CACNA1S: variants seen among roughly 807,000 people sequenced by gnomAD.
CACNA1S encodes the protein voltage-dependent L-type calcium channel subunit alpha-1S.
CACNA1S carries 126 observed loss-of-function variants against 207.4 expected under a neutral mutation model. The ratio of observed to expected loss-of-function variants is 0.61; its 90% confidence interval spans 0.53 to 0.70. The LOEUF is 0.70. CACNA1S is among the 30% of genes least tolerant of loss of function. The probability of loss-of-function intolerance (pLI) is 0.00; values close to 1 mark genes in which losing one functional copy is unlikely to be tolerated. For missense variants in CACNA1S, 2,349 were observed against 2,422.8 expected, an observed-to-expected ratio of 0.97 and a Z score of 0.64; for synonymous variants, 960 against 932.7, an observed-to-expected ratio of 1.03 and a Z score of -0.53.
intron 9 of CACNA1S, among the ~76,000 whole-genome samples, chr1:201,084,218 C>T (rs994454655): frequency 6.6e-6 from 1 of 152,314 alleles, no homozygotes; most frequent in South Asian, 2.1e-4. Context: ...GTGCTAGGCA[C>T]TCTTCTAGTC....
At chr1:201,089,551 A>C in intron 5 of CACNA1S, 88 bp from the exon 6 acceptor site, 3 of 1,288,936 alleles carry the variant, frequency 2.3e-6, no homozygotes, top group Non-Finnish European at 2.2e-6. Flanking sequence ...ATTTAAGAGA[A>C]TTGAGCAGTA....
chr1:201,082,646 G>A (rs1661877545), intron 10 of CACNA1S, among the ~76,000 whole-genome samples: 1 of 152,142 alleles, frequency 6.6e-6, no homozygotes, highest in South Asian at 2.1e-4. Context: ...TATTTATTAA[G>A]ATCAGTCTTC....
Position 201,053,498 on chromosome 1 carries a change from T to G in CACNA1S, c.3756A>C (p.Gly1252=). The G allele has an allele frequency of 6.2e-7, 1 of 1,614,112 alleles. No individual in the cohort carries two copies. The highest frequency in any genetic ancestry group is 8.5e-7 in the Non-Finnish European group (1 of 1,180,002). The change falls in exon 30 of 44, where the codon GGA becomes GGC. Residue 1252 remains glycine, a synonymous_variant. Coordinates refer to ENST00000362061, the MANE Select transcript of CACNA1S (RefSeq NM_000069.3). This position sits in a 1 kb window ranked among gnomAD's most constrained non-coding sequence, Gnocchi z 5.1. ...TGAACGTCCACAGGAGGGTTCGCAC[T>G]CCTTCTGCCCGGCTCAGCAGCTTGA... The part of the protein sequence containing the change: ...RLIKLLSRAE[G]VRTLLWTFIK...
rs4915476 is a variant in CACNA1S, at chr1:201,077,934, G to A, written c.1564C>T (p.Leu522=). The change falls in exon 11 of 44, where the codon CTG becomes TTG. Residue 522 remains leucine (L), a synonymous_variant. Transcript: ENST00000362061. The part of the protein sequence containing the change: ...LLVESGAMTP[L]GISVLRCIRL... ...ATGCAGCGGAGCACGGAGATGCCCA[G>A]GGGTGTCATGGCACCCGACTCCACC... 0.22 allele frequency: 347,357 copies of A among 1,613,632 alleles called. 39,238 individuals are homozygous for A. The highest frequency in any genetic ancestry group is 0.26 in the Admixed American group (15,861 of 60,016).
intron 15 of CACNA1S, among the ~76,000 whole-genome samples, chr1:201,073,127 G>C (rs181612950): frequency 6.6e-6 from 1 of 152,172 alleles, no homozygotes; most frequent in African/African-American, 2.4e-5. Context: ...CCAGGACCTC[G>C]AGCCTCTCTG....
chr1:201,075,618 G>A lies in CACNA1S; in HGVS notation c.1828-3C>T, dbSNP rs1445072481. On this transcript the variant is annotated splice_polypyrimidine_tract_variant and splice_region_variant and intron_variant, in intron 12 of 43. Coordinates refer to ENST00000362061, the MANE Select transcript of CACNA1S (RefSeq NM_000069.3). The stretch of plus-strand genomic sequence containing the variant: ...GTCCAGTCTTCCCCTGTCAGTACCT[G>A]TATGGAGGGAGGATAGAGGGCTCGG... The A allele has an allele frequency of 6.2e-7, 1 of 1,613,944 alleles. No homozygotes were observed. Among genetic ancestry groups the A allele is most frequent in the African/African-American group, 1.3e-5 (1 of 74,934 alleles).
chr1:201,052,437 C>A, intron 32 of CACNA1S, 120 bp downstream of exon 32: 1 of 768,698 alleles, frequency 1.3e-6, no homozygotes, highest in Admixed American at 1.8e-5. Flanking sequence ...AGTATAGGAC[C>A]CTGTGTGGCT....
At chr1:201,069,679 A>G (rs1449947215) in intron 17 of CACNA1S, 78 bp from the exon 18 acceptor site, 4 of 1,512,388 alleles carry the variant, frequency 2.6e-6, no homozygotes, top group Non-Finnish European at 3.6e-6. Flanking sequence ...CATCCTGCGG[A>G]CGAACATGGA....
At chr1:201,084,025 A>G (rs990946619) in intron 9 of CACNA1S, among the ~76,000 whole-genome samples, 1 of 152,228 alleles carries the variant, frequency 6.6e-6, no homozygotes, top group South Asian at 2.1e-4. Context: ...ATTATGGCAT[A>G]TTCATCCTGT....
At chr1:201,077,236 AGGGG>A in intron 11 of CACNA1S, 109 bp from the exon 12 acceptor site, 1 of 935,276 alleles carries the variant, frequency 1.1e-6, no homozygotes, top group Non-Finnish European at 1.7e-6. Flanking sequence ...ACACAGAGGG[AGGGG>A]GCTGCCTCAC....
At chr1:201,046,085 A>C (rs940490714) in intron 38 of CACNA1S, among the ~76,000 whole-genome samples, 1 of 152,192 alleles carries the variant, frequency 6.6e-6, no homozygotes, top group Non-Finnish European at 1.5e-5. Context: ...TGAACCCAAA[A>C]ATAGAAATAA....
intron 38 of CACNA1S, among the ~76,000 whole-genome samples, chr1:201,046,300 A>C (rs1387150471): frequency 6.6e-6 from 1 of 151,650 alleles, no homozygotes; most frequent in Non-Finnish European, 1.5e-5. Flanking sequence ...TCCCGCCTCA[A>C]CCTCCCAAAT....
intron 10 of CACNA1S, among the ~76,000 whole-genome samples, chr1:201,081,655 C>A (rs938785765): frequency 2.6e-5 from 4 of 152,226 alleles, no homozygotes; most frequent in African/African-American, 9.6e-5. Flanking sequence ...GATAGACAGC[C>A]CTGCCCAAAT....
rs1447431294 is a variant in CACNA1S, at chr1:201,066,860, C to T, written c.2657+27G>A. 1 of 1,559,742 alleles carries T rather than the reference C, an allele frequency of 6.4e-7. No individual in the cohort carries two copies. Among genetic ancestry groups the T allele is most frequent in the Non-Finnish European group, 8.8e-7 (1 of 1,130,978 alleles). Reference sequence around the variant, plus strand: ...GCACAGAGCAGAGGGTGGTCTGTGCCCAGGGCTGGCCCTTGCCGCTGCTCA... The same window carrying T: ...GCACAGAGCAGAGGGTGGTCTGTGCTCAGGGCTGGCCCTTGCCGCTGCTCA... On this transcript the variant is annotated intron_variant, in intron 20 of 43. Transcript: ENST00000362061. The surrounding 1 kb of genome is among the most constrained non-coding windows in gnomAD (Gnocchi z 4.3).
chr1:201,073,399 C>G (rs1008024443), intron 15 of CACNA1S, 150 bp downstream of exon 15: 11 of 762,066 alleles, frequency 1.4e-5, no homozygotes, highest in Non-Finnish European at 2.4e-5. Context: ...CGCTGGCTCT[C>G]CCTCCAGTCG....
At chr1:201,041,087 C>T (rs975714304) in intron 41 of CACNA1S, among the ~76,000 whole-genome samples, 2 of 152,204 alleles carry the variant, frequency 1.3e-5, no homozygotes, top group Non-Finnish European at 2.9e-5. Flanking sequence ...CCTACTGTCA[C>T]ACAGCAGTCT....
chr1:201,106,664 C>T (rs1662903111), intron 2 of CACNA1S, among the ~76,000 whole-genome samples: 1 of 152,126 alleles, frequency 6.6e-6, no homozygotes, highest in Non-Finnish European at 1.5e-5. Flanking sequence ...AGGGCAAGTG[C>T]AGATTGCCAC....
intron 2 of CACNA1S, among the ~76,000 whole-genome samples, chr1:201,105,721 C>A (rs937575624): frequency 6.6e-6 from 1 of 152,180 alleles, no homozygotes; most frequent in African/African-American, 2.4e-5. Context: ...TTCCCACAGA[C>A]ACAGAGCAGG....
Position 201,077,895 on chromosome 1 carries a change from T to A in CACNA1S, c.1603A>T (p.Ile535Phe). The A allele has an allele frequency of 6.2e-7, 1 of 1,613,814 alleles. No individual in the cohort carries two copies. The highest frequency in any genetic ancestry group is 8.5e-7 in the Non-Finnish European group (1 of 1,179,756). The change falls in exon 11 of 44, where the codon ATC becomes TTC. Residue 535 changes from isoleucine (I) to phenylalanine (F), a missense_variant. Coordinates refer to ENST00000362061, the MANE Select transcript of CACNA1S (RefSeq NM_000069.3). ...SVLRCIRLLR[I>F]FKITKYWTSL... ...GGCACTCACTTGGTGATCTTGAAGA[T>A]CCTCAGGAGGCGGATGCAGCGGAGC...
Sources: allele counts gnomAD v4.1 joint callset (sites outside exome capture counted in the v4.1 genomes callset), GRCh38; gene constraint gnomAD v4.1.1; non-coding constraint Gnocchi (gnomAD v3.1); transcripts MANE v1.5; gene names NCBI Gene and HGNC (gene_info 2026-07-23, HGNC 2026-07-21).